RAD9B: variants seen among roughly 807,000 people sequenced by gnomAD.
RAD9B encodes the protein RAD9 checkpoint clamp component B, also known as cell cycle checkpoint control protein RAD9B.
RAD9B carries 41 observed loss-of-function variants against 48.3 expected under a neutral mutation model. The observed-to-expected ratio is 0.85, with a 90% CI of 0.66 to 1.10. The LOEUF is 1.10. Among genes scored for constraint, RAD9B ranks in the 50% least tolerant of loss-of-function variants. The pLI is 0.00. For missense variants in RAD9B, 444 were observed against 485.1 expected (o/e 0.92, Z 0.80); for synonymous variants, 160 against 157.9 (o/e 1.01, Z -0.10).
At chr12:110,508,145 G>A (rs1163260321) in intron 4 of RAD9B, 1 of 169,206 alleles carries the variant, frequency 5.9e-6, no homozygotes, top group Non-Finnish European at 1.5e-5. Context: ...TCACAAAGAT[G>A]TGCGTGTAAA....
At chr12:110,507,602 TG>T in intron 4 of RAD9B, among the ~76,000 whole-genome samples, 1 of 146,298 alleles carries the variant, frequency 6.8e-6, no homozygotes, top group African/African-American at 2.5e-5. Context: ...ATACATATTA[TG>T]TATACATATA....
intron 8 of RAD9B, 88 bp downstream of exon 8, chr12:110,519,026 C>T: frequency 1.2e-6 from 1 of 842,802 alleles, no homozygotes; most frequent in Non-Finnish European, 1.9e-6. Flanking sequence ...TTAATTAACA[C>T]CTCAGGAATA....
rs531866719 is a variant in RAD9B at position 110,519,625 on chromosome 12, G to A, written c.768-169G>A. Among the ~76,000 whole-genome samples, 7 of 151,958 alleles carry A rather than the reference G, an allele frequency of 4.6e-5. 1 individual carries two copies. The South Asian group carries it at 1.5e-3, about 32-fold the overall frequency. ...TTTTTTTTGTATTTTTAGTAGAGAC[G>A]GGGTTTCTTCATGTTGGTCAGGCTG... is the stretch of plus-strand genomic sequence containing the variant. On this transcript the variant is annotated intron_variant, in intron 8 of 10. Transcript: ENST00000409300.
In RAD9B at chr12:110,502,370, C is replaced by T. The variant is rs1016055224; in HGVS notation, c.33C>T (p.Gly11=). 3.1e-6 allele frequency: 5 copies of T among 1,613,664 alleles called. No homozygotes were observed. Among genetic ancestry groups the T allele is most frequent in the South Asian group, 1.1e-5 (1 of 91,004 alleles). MAAMLKCVMS[G]SQVKVFGKAV... ...CCATGCTGAAGTGCGTGATGAGCGG[C>T]AGTCAGGTGAAAGGTGGAGCGGCCT... The change falls in exon 1 of 11, where the codon GGC becomes GGT. Residue 11 remains glycine, a synonymous_variant. Transcript: ENST00000409300.
In RAD9B at chr12:110,505,660, G is replaced by A. The variant is rs1296410773; in HGVS notation, c.161G>A (p.Cys54Tyr). Residue 54 changes from cysteine to tyrosine, a missense_variant, in exon 3 of 11, where the codon TGT becomes TAT. Physicochemically the swap from Cys to Tyr is radical, Grantham distance 194. Transcript: ENST00000409300. ...CVNSSRSAYGCVLFSPVFFQH... is the reference protein window; with the variant it reads ...CVNSSRSAYGYVLFSPVFFQH... ...AATTCTTCTCGGTCAGCATATGGAT[G>A]TGTCCTGTTCTCTCCTGTGTTTTTT... is the stretch of plus-strand genomic sequence containing the variant. 1.3e-6 allele frequency: 2 copies of A among 1,578,540 alleles called. No individual in the cohort carries two copies. The highest frequency in any genetic ancestry group is 4.6e-5 in the East Asian group (2 of 43,724).
At position 110,502,401 on chromosome 12, in the gene RAD9B, G is replaced by A; in HGVS notation, c.46+18G>A. ...GGTGAAAGGTGGAGCGGCCTTTGTT[G>A]TCTTCCCATTTAGCAGAGAGAAAAG... On this transcript the variant is annotated intron_variant, in intron 1 of 10. Transcript: ENST00000409300. The A allele has an allele frequency of 1.2e-6, 2 of 1,613,174 alleles. No individual in the cohort carries two copies. Among genetic ancestry groups the A allele is most frequent in the Non-Finnish European group, 8.5e-7 (1 of 1,179,542 alleles).
intron 10 of RAD9B, among the ~76,000 whole-genome samples, chr12:110,528,325 G>A (rs577410650): frequency 3.6e-4 from 55 of 152,264 alleles, no homozygotes; most frequent in African/African-American, 1.2e-3. Flanking sequence ...GGGGGTTAAG[G>A]AAAAAGGTAT....
intron 4 of RAD9B, among the ~76,000 whole-genome samples, chr12:110,507,360 A>T (rs796196606): frequency 2.8e-5 from 4 of 143,958 alleles, no homozygotes; most frequent in African/African-American, 1.0e-4. Context: ...TATATATAAT[A>T]TGTATTATAT....
chr12:110,512,581 G>T (rs2063492041), intron 4 of RAD9B, among the ~76,000 whole-genome samples, 198 bp from the exon 5 acceptor site: 3 of 152,208 alleles, frequency 2.0e-5, no homozygotes, highest in Admixed American at 2.0e-4. Flanking sequence ...TTGGTCAGAA[G>T]GTATGACATA....
At chr12:110,524,245 AG>A (rs1182656040) in intron 10 of RAD9B, among the ~76,000 whole-genome samples, 2 of 152,254 alleles carry the variant, frequency 1.3e-5, no homozygotes. Context: ...AAGATGCAAC[AG>A]GCACATGGTC....
intron 5 of RAD9B, among the ~76,000 whole-genome samples, chr12:110,513,084 G>C (rs2063509222): frequency 6.6e-6 from 1 of 151,848 alleles, no homozygotes; most frequent in Non-Finnish European, 1.5e-5. Context: ...TCCTGCCTCA[G>C]CCTCCCGAGT....
At position 110,532,767 on chromosome 12, in the gene RAD9B, T is replaced by G. The variant is rs2064172383; in HGVS notation, c.*2114T>G. On this transcript the variant is annotated 3_prime_UTR_variant, in exon 11 of 11. Coordinates refer to ENST00000409300, the MANE Select transcript of RAD9B (RefSeq NM_001286535.2). Reference sequence around the variant, plus strand: ...GTTTAGATATACAGATGCTTACTGTTGTGTTACAACTGCCTACAGTATTCA... The same window carrying G: ...GTTTAGATATACAGATGCTTACTGTGGTGTTACAACTGCCTACAGTATTCA... Among the ~76,000 whole-genome samples the G allele has an allele frequency of 6.6e-6, 1 of 152,244 alleles. No individual in the cohort carries two copies. The highest frequency in any genetic ancestry group is 1.5e-5 in the Non-Finnish European group (1 of 68,044).
In RAD9B at chr12:110,531,779, A is replaced by G; in HGVS notation, c.*1126A>G. On this transcript the variant is annotated 3_prime_UTR_variant, in exon 11 of 11. Transcript: ENST00000409300. ...ATCTGGCACAAAACATTGTTATGTA[A>G]TGTCTTATGATGTGTGCCTCTCCCT... The G allele has an allele frequency of 1.5e-6, 1 of 654,934 alleles. No homozygotes were observed. The highest frequency in any genetic ancestry group is 2.6e-6 in the Non-Finnish European group (1 of 387,816). 40.6% of individuals were successfully genotyped at this position (654,934 alleles called of 1,614,324 possible). A position where few individuals can be genotyped will look rare whatever the true frequency, so the allele number is the denominator to read the frequency against.
chr12:110,514,501 T>C (rs936253841), intron 5 of RAD9B, among the ~76,000 whole-genome samples: 2 of 152,182 alleles, frequency 1.3e-5, no homozygotes, highest in African/African-American at 4.8e-5. Context: ...GGGAATTATA[T>C]CTCAATAAAA....
chr12:110,510,727 C>T (rs2063434293), intron 4 of RAD9B, among the ~76,000 whole-genome samples: 1 of 152,072 alleles, frequency 6.6e-6, no homozygotes, highest in African/African-American at 2.4e-5. Flanking sequence ...TTATTGCTAC[C>T]TCTCCTCTTC....
At chr12:110,506,910 G>T (rs1262699568) in intron 4 of RAD9B, among the ~76,000 whole-genome samples, 1 of 151,410 alleles carries the variant, frequency 6.6e-6, no homozygotes, top group Admixed American at 6.6e-5. Context: ...CGCCATCTCA[G>T]CTCACTGCGA....
At chr12:110,519,738 T>C in intron 8 of RAD9B, 56 bp from the exon 9 acceptor site, 1 of 1,555,830 alleles carries the variant, frequency 6.4e-7, no homozygotes, top group Non-Finnish European at 8.7e-7. Context: ...TTCTAATGTG[T>C]TTCTAATGTC....
At chr12:110,503,397 A>G (rs772929745) in intron 1 of RAD9B, 1 of 174,442 alleles carries the variant, frequency 5.7e-6, no homozygotes, top group Non-Finnish European at 1.2e-5. Flanking sequence ...CTCTCTCATG[A>G]CTTGTTGTGA....
intron 5 of RAD9B, among the ~76,000 whole-genome samples, chr12:110,514,060 G>GATTC (rs1555209321): frequency 6.8e-6 from 1 of 146,824 alleles, no homozygotes; most frequent in African/African-American, 2.5e-5. Flanking sequence ...TTCCTTCCTT[G>GATTC]CTTCCTTCCT....
Sources: gnomAD v4.1 joint callset for allele counts (sites outside exome capture counted in the v4.1 genomes callset) on GRCh38, gnomAD v4.1.1 for gene constraint, MANE v1.5 for transcripts, NCBI Gene and HGNC (gene_info 2026-07-23, HGNC 2026-07-21) for gene names.